MGMT: variants seen among roughly 807,000 people sequenced by gnomAD.
MGMT encodes the protein methylated-DNA--protein-cysteine methyltransferase.
MGMT carries 14 observed loss-of-function variants against 15.9 expected under a neutral mutation model. The observed-to-expected ratio is 0.88, with a 90% confidence interval of 0.58 to 1.37. MGMT has a LOEUF of 1.37. Ranked by LOEUF, MGMT falls within the 40% of genes most tolerant of loss-of-function variation. The probability of loss-of-function intolerance (pLI) is 0.00; values close to 1 mark genes in which losing one functional copy is unlikely to be tolerated. For missense variants in MGMT, 282 were observed against 268.1 expected (o/e 1.05, Z -0.36); for synonymous variants, 130 against 118.2 (o/e 1.10, Z -0.65).
intron 2 of MGMT, among the ~76,000 whole-genome samples, chr10:129,684,656 C>A (rs1051552653): frequency 1.3e-5 from 2 of 152,176 alleles, no homozygotes; most frequent in Non-Finnish European, 2.9e-5. Context: ...AGAATGGAGC[C>A]TTGAAGTTGA....
At chr10:129,705,749 G>A (rs1721638324) in intron 2 of MGMT, among the ~76,000 whole-genome samples, 2 of 152,206 alleles carry the variant, frequency 1.3e-5, no homozygotes, top group South Asian at 4.1e-4. Context: ...CAGCTCCGGG[G>A]CTGTGGTCCT....
chr10:129,697,136 T>C (rs1322129247), intron 2 of MGMT, among the ~76,000 whole-genome samples: 3 of 152,160 alleles, frequency 2.0e-5, no homozygotes, highest in African/African-American at 7.2e-5. Flanking sequence ...TAATAGAAAG[T>C]AGGTTGGTTA....
At chr10:129,577,837 C>T (rs908444262) in intron 2 of MGMT, among the ~76,000 whole-genome samples, 2 of 150,170 alleles carry the variant, frequency 1.3e-5, no homozygotes, top group African/African-American at 4.9e-5. Flanking sequence ...AAGAAATTTA[C>T]AAGAAAAAAA....
intron 2 of MGMT, among the ~76,000 whole-genome samples, chr10:129,607,318 G>A (rs559749846): frequency 4.6e-5 from 7 of 151,946 alleles, no homozygotes; most frequent in South Asian, 4.2e-4. Context: ...ATGGATTGTC[G>A]GATAACATTT....
intron 2 of MGMT, among the ~76,000 whole-genome samples, chr10:129,673,324 C>A (rs1286497868): frequency 3.3e-5 from 5 of 152,174 alleles, no homozygotes; most frequent in African/African-American, 1.2e-4. Context: ...GCAACACTAA[C>A]AACAAATCCA....
chr10:129,566,342 C>T lies in MGMT; in HGVS notation c.125+29965C>T, dbSNP rs909590995. On this transcript the variant is annotated intron_variant, in intron 2 of 4. Transcript: ENST00000651593. This position sits in a 1 kb window ranked among gnomAD's most constrained non-coding sequence, Gnocchi z 4.1. ...TCGACTACGTTGCCAAGGAGATGCT[C>T]GCTCGGAGTGGTTGCTCTGGCTCTG... Among the ~76,000 whole-genome samples, 4 of 152,206 alleles carry T rather than the reference C, an allele frequency of 2.6e-5. No individual in the cohort carries two copies. Among genetic ancestry groups the T allele is most frequent in the African/African-American group, 4.8e-5 (2 of 41,460 alleles).
chr10:129,667,955 G>C (rs748031114), intron 2 of MGMT, among the ~76,000 whole-genome samples: 2 of 152,094 alleles, frequency 1.3e-5, no homozygotes, highest in Non-Finnish European at 2.9e-5. Flanking sequence ...GCCTTATATA[G>C]GAATTATTTC....
Position 129,471,281 on chromosome 10 carries a change from A to G in MGMT, c.-13+3985A>G, listed in dbSNP as rs1229897250. 5.9e-5 allele frequency among the ~76,000 whole-genome samples: 9 copies of G among 152,378 alleles called. No individual in the cohort carries two copies. The East Asian group carries it at 1.7e-3, about 29-fold the overall frequency. On this transcript the variant is annotated intron_variant, in intron 1 of 4. Transcript: ENST00000651593. The stretch of plus-strand genomic sequence containing the variant: ...AAAGCGCTTGCCTTATTGACGGATC[A>G]GGCAATTCTGGCACGGGATGTTCAG...
chr10:129,643,161 C>G (rs1210777906), intron 2 of MGMT, among the ~76,000 whole-genome samples: 2 of 152,134 alleles, frequency 1.3e-5, no homozygotes, highest in East Asian at 3.9e-4. Flanking sequence ...CACCTTCATC[C>G]TTGGGCCCAT....
At chr10:129,525,974 T>G (rs1335911182) in intron 1 of MGMT, among the ~76,000 whole-genome samples, 2 of 152,206 alleles carry the variant, frequency 1.3e-5, no homozygotes, top group African/African-American at 4.8e-5. Context: ...CAGCTCCAGT[T>G]TTGTTTGGTG....
chr10:129,582,126 T>G (rs1846563688), intron 2 of MGMT, among the ~76,000 whole-genome samples: 1 of 152,220 alleles, frequency 6.6e-6, no homozygotes, highest in South Asian at 2.1e-4. Context: ...AGCACATCTG[T>G]GTATGAAGGA....
At chr10:129,645,474 G>T (rs1847377618) in intron 2 of MGMT, among the ~76,000 whole-genome samples, 1 of 152,186 alleles carries the variant, frequency 6.6e-6, no homozygotes, top group Admixed American at 6.5e-5. Context: ...CATCCACGGT[G>T]AGGTTGTGTT....
At position 129,541,184 on chromosome 10, in the gene MGMT, A is replaced by G. The variant is rs373182241; in HGVS notation, c.125+4807A>G. 1.9e-4 allele frequency among the ~76,000 whole-genome samples: 29 copies of G among 152,364 alleles called. 1 individual carries two copies. In the South Asian group the frequency reaches 5.0e-3, roughly 26 times the overall value. On this transcript the variant is annotated intron_variant, in intron 2 of 4. Transcript: ENST00000651593. ...TGTGTGTGGCTTCGCACGGGGACCA[A>G]TGACTTCCTTGCATAGTTACCTTTC...
Position 129,588,164 on chromosome 10 carries a change from A to G in MGMT, c.125+51787A>G, listed in dbSNP as rs1248828420. ...AGACAAAAAACAGGACCTCAGTCCT[A>G]TCAGTGCAAGGAAATGAATTCTGTC... On this transcript the variant is annotated intron_variant, in intron 2 of 4. Coordinates refer to ENST00000651593, the MANE Select transcript of MGMT (RefSeq NM_002412.5). Among the ~76,000 whole-genome samples, 5 of 152,180 alleles carry G rather than the reference A, an allele frequency of 3.3e-5. No homozygotes were observed. In the East Asian group the frequency reaches 5.8e-4, roughly 18 times the overall value.
At chr10:129,487,182 C>G (rs1845417234) in intron 1 of MGMT, among the ~76,000 whole-genome samples, 1 of 152,086 alleles carries the variant, frequency 6.6e-6, no homozygotes, top group African/African-American at 2.4e-5. Flanking sequence ...GTATGGGGAC[C>G]TGCAGGTGGC....
chr10:129,609,386 G>A (rs913509911), intron 2 of MGMT, among the ~76,000 whole-genome samples: 9 of 148,462 alleles, frequency 6.1e-5, no homozygotes, highest in Non-Finnish European at 1.0e-4. Flanking sequence ...GGATGATAGA[G>A]GTGGAATCTC....
chr10:129,619,464 A>G (rs558770033), intron 2 of MGMT, among the ~76,000 whole-genome samples: 15 of 152,186 alleles, frequency 9.9e-5, no homozygotes, highest in African/African-American at 3.4e-4. Flanking sequence ...CAGTTTTCAC[A>G]TTTTGTCTTT....
chr10:129,582,541 A>G (rs1002025184), intron 2 of MGMT, among the ~76,000 whole-genome samples: 2 of 152,068 alleles, frequency 1.3e-5, no homozygotes, highest in Non-Finnish European at 2.9e-5. Flanking sequence ...CTTTTAAAAG[A>G]CAGTTACAAA....
intron 3 of MGMT, among the ~76,000 whole-genome samples, chr10:129,736,881 A>G (rs1848568978): frequency 6.6e-6 from 1 of 152,188 alleles, no homozygotes; most frequent in Admixed American, 6.5e-5. Flanking sequence ...AATGTTGAAT[A>G]TTGGCCCCCA....
Sources: gnomAD v4.1 joint callset for allele counts (sites outside exome capture counted in the v4.1 genomes callset) on GRCh38, gnomAD v4.1.1 for gene constraint, Gnocchi (gnomAD v3.1) non-coding constraint, MANE v1.5 for transcripts, NCBI Gene and HGNC (gene_info 2026-07-23, HGNC 2026-07-21) for gene names.